DOCK9: variants seen among roughly 807,000 people sequenced by gnomAD.
DOCK9 encodes dedicator of cytokinesis protein 9.
Under a neutral mutation model 263.3 loss-of-function variants are expected in DOCK9, and 89 were observed. The observed-to-expected ratio is 0.34, with a 90% CI of 0.28 to 0.40. The LOEUF (loss-of-function observed/expected upper bound fraction) is 0.40, where lower values mean the gene tolerates loss of function less well. DOCK9 is among the 10% of genes least tolerant of loss of function. DOCK9 has a pLI of 1.00. For synonymous variants in DOCK9, 976 were observed against 973.1 expected, an observed-to-expected ratio of 1.00 and a Z score of -0.06; for missense variants, 2,140 against 2,603.4, an observed-to-expected ratio of 0.82 and a Z score of 3.87.
intron 1 of DOCK9, among the ~76,000 whole-genome samples, chr13:98,961,173 A>T (rs551601164): frequency 7.9e-5 from 12 of 152,324 alleles, no homozygotes; most frequent in African/African-American, 2.9e-4. Context: ...CACTTTACTA[A>T]GGAAGGGATG....
intron 52 of DOCK9, chr13:98,796,149 G>C: frequency 7.2e-7 from 1 of 1,388,114 alleles, no homozygotes; most frequent in South Asian, 1.2e-5. Context: ...ACTCAAAAAA[G>C]TAATAGCTTT....
chr13:98,915,296 T>C (rs2050710123), intron 8 of DOCK9, 33 bp downstream of exon 8: 3 of 1,603,358 alleles, frequency 1.9e-6, no homozygotes, highest in Non-Finnish European at 2.6e-6. Context: ...CCACAGAGTG[T>C]GTATGTGCCT....
chr13:98,962,592 T>C (rs1555429210), intron 1 of DOCK9, among the ~76,000 whole-genome samples: 1 of 149,770 alleles, frequency 6.7e-6, no homozygotes, highest in Non-Finnish European at 1.5e-5. Context: ...TTATAATAAA[T>C]AGAGCTATTC....
Position 98,805,061 on chromosome 13 carries a change from G to A in DOCK9, c.5663C>T (p.Thr1888Met), listed in dbSNP as rs1159046563. The change falls in exon 49 of 53, where the codon ACG (threonine) becomes ATG (methionine). Residue 1888 changes from threonine to methionine, a missense_variant. This residue lies in a region of DOCK9 where 619 missense variants were observed against 861.8 expected (regional missense o/e 0.72). Transcript: ENST00000682017. ...IRRFMFEMPF[T>M]QTGKRQGGVE... ...CCCGCCCTGCCTCTTCCCGGTCTGC[G>A]TAAATGGCATCTCAAACATGAAGCG... 12 of 1,611,906 alleles carry A rather than the reference G, an allele frequency of 7.4e-6. No homozygotes were observed. Among genetic ancestry groups the A allele is most frequent in the Non-Finnish European group, 7.6e-6 (9 of 1,179,040 alleles).
chr13:98,844,586 C>G (rs2093333569), intron 38 of DOCK9, among the ~76,000 whole-genome samples: 1 of 152,138 alleles, frequency 6.6e-6, no homozygotes, highest in Non-Finnish European at 1.5e-5. Flanking sequence ...TGGTCTCGAA[C>G]TCCTGGTCTC....
rs1235334377 is a variant in DOCK9 at position 98,942,243 on chromosome 13, T to G, written c.244-11986A>C. Among the ~76,000 whole-genome samples the G allele has an allele frequency of 7.7e-4, 115 of 149,764 alleles. 1 individual carries two copies. The highest frequency in any genetic ancestry group is 1.6e-3 in the African/African-American group (65 of 40,426). On this transcript the variant is annotated intron_variant, in intron 2 of 52. Transcript: ENST00000682017. ...ATGTTTTTTTTTTTGTTGTTTTTTT[T>G]TTTTGTTTTTTTGAGACAGAGTCTC...
intron 2 of DOCK9, among the ~76,000 whole-genome samples, chr13:98,932,431 CAAAA>C (rs988414855): frequency 5.4e-4 from 72 of 134,100 alleles, no homozygotes; most frequent in East Asian, 2.5e-3. Flanking sequence ...AACAAACAAA[CAAAA>C]AAACAGATCA....
At chr13:99,017,758 A>G (rs1885604917) in intron 1 of DOCK9, among the ~76,000 whole-genome samples, 1 of 152,248 alleles carries the variant, frequency 6.6e-6, no homozygotes, top group Non-Finnish European at 1.5e-5. Flanking sequence ...AAAAATCACA[A>G]AAAATCTCAT....
rs540730227 is a variant in DOCK9 at position 99,055,989 on chromosome 13, T to C, written c.129+30234A>G. 4.6e-5 allele frequency among the ~76,000 whole-genome samples: 7 copies of C among 152,260 alleles called. No homozygotes were observed. In the South Asian group the frequency reaches 1.5e-3, roughly 32 times the overall value. On this transcript the variant is annotated intron_variant, in intron 1 of 32. Transcript: ENST00000427887. ...AGCTGCACTAAGCATCACAGGGACG[T>C]GGAATGGTAACAACAAAAGTGCCTT... is the stretch of plus-strand genomic sequence containing the variant.
At chr13:98,948,947 A>G (rs2057057406) in intron 2 of DOCK9, among the ~76,000 whole-genome samples, 2 of 152,106 alleles carry the variant, frequency 1.3e-5, no homozygotes, top group Non-Finnish European at 2.9e-5. Flanking sequence ...TTCTCCATTT[A>G]TCCCTCGATG....
chr13:98,997,325 C>G (rs1401127385), intron 1 of DOCK9, among the ~76,000 whole-genome samples: 1 of 152,186 alleles, frequency 6.6e-6, no homozygotes, highest in Non-Finnish European at 1.5e-5. Flanking sequence ...CAGAGGCAAA[C>G]AATAAGAAAA....
At chr13:98,915,239 G>T (rs966731268) in intron 8 of DOCK9, 90 bp downstream of exon 8, 5 of 1,315,310 alleles carry the variant, frequency 3.8e-6, no homozygotes, top group African/African-American at 1.5e-5. Flanking sequence ...ATGTACTTGT[G>T]TAACACAGGT....
At chr13:98,811,434 T>A (rs982613204) in intron 45 of DOCK9, among the ~76,000 whole-genome samples, 8 of 151,904 alleles carry the variant, frequency 5.3e-5, no homozygotes, top group Non-Finnish European at 1.0e-4. Context: ...GTTTTTTTTT[T>A]AATATTAAAT....
chr13:98,830,707 G>T (rs2092725306), intron 41 of DOCK9, among the ~76,000 whole-genome samples: 1 of 152,152 alleles, frequency 6.6e-6, no homozygotes, highest in South Asian at 2.1e-4. Flanking sequence ...GGTCACACTT[G>T]TACTCTCAGA....
At chr13:98,984,864 T>G (rs2141637630) in intron 1 of DOCK9, among the ~76,000 whole-genome samples, 1 of 152,300 alleles carries the variant, frequency 6.6e-6, no homozygotes, top group East Asian at 1.9e-4. Context: ...CTTTCCTTAT[T>G]GATAATATCT....
chr13:98,817,011 C>T (rs1359435982), intron 45 of DOCK9, among the ~76,000 whole-genome samples: 2 of 152,080 alleles, frequency 1.3e-5, no homozygotes, highest in African/African-American at 2.4e-5. Flanking sequence ...TATGTAGACA[C>T]ACATCAACCA....
intron 20 of DOCK9, 99 bp downstream of exon 20, chr13:98,885,609 G>A (rs1217631416): frequency 3.1e-6 from 4 of 1,290,836 alleles, no homozygotes; most frequent in Admixed American, 2.6e-5. Context: ...TTCATTTAAA[G>A]ATCCCTTTGC....
intron 1 of DOCK9, among the ~76,000 whole-genome samples, chr13:99,033,288 A>G (rs949783373): frequency 6.6e-6 from 1 of 152,258 alleles, no homozygotes; most frequent in African/African-American, 2.4e-5. Context: ...TGAAAGACAG[A>G]TAAGATTACA....
At chr13:98,953,549 T>A (rs1215421233) in intron 2 of DOCK9, among the ~76,000 whole-genome samples, 1 of 152,264 alleles carries the variant, frequency 6.6e-6, no homozygotes, top group African/African-American at 2.4e-5. Flanking sequence ...TCATTCTAGG[T>A]TGCAAACTCA....
Sources: gnomAD v4.1 joint callset for allele counts (sites outside exome capture counted in the v4.1 genomes callset) on GRCh38, gnomAD v4.1.1 for gene constraint, gnomAD v4.1.1 regional missense constraint, MANE v1.5 for transcripts, NCBI Gene and HGNC (gene_info 2026-07-23, HGNC 2026-07-21) for gene names.